Variants in RERE observed in about 807,000 individuals in gnomAD.
RERE encodes arginine-glutamic acid dipeptide repeats protein.
RERE carries 40 observed loss-of-function variants against 146.1 expected under a neutral mutation model. The observed-to-expected ratio is 0.27, with a 90% CI of 0.21 to 0.36. The LOEUF (loss-of-function observed/expected upper bound fraction) is 0.36. RERE is among the 10% of genes least tolerant of loss of function. The pLI is 1.00. For missense variants in RERE, 1,933 were observed against 2,138.7 expected (o/e 0.90, Z 1.90); for synonymous variants, 1,003 against 866.0 (o/e 1.16, Z -2.78).
At chr1:8,728,154 A>G (rs774259253) in intron 1 of RERE, among the ~76,000 whole-genome samples, 1 of 152,248 alleles carries the variant, frequency 6.6e-6, no homozygotes, top group Non-Finnish European at 1.5e-5. Context: ...ATGAGAAGCC[A>G]TGACAACCAA....
chr1:8,611,666 A>G (rs951896408), intron 4 of RERE, among the ~76,000 whole-genome samples: 10 of 152,244 alleles, frequency 6.6e-5, no homozygotes, highest in African/African-American at 2.4e-4. Context: ...TATCCTCACT[A>G]GTCCTTGATC....
intron 11 of RERE, among the ~76,000 whole-genome samples, chr1:8,441,129 C>T (rs1644242561): frequency 6.6e-6 from 1 of 151,962 alleles, no homozygotes; most frequent in Non-Finnish European, 1.5e-5. Context: ...GGTTTCCTGC[C>T]CCAAGCTCCT....
chr1:8,613,571 C>A (rs1315001735), intron 4 of RERE, among the ~76,000 whole-genome samples: 1 of 152,164 alleles, frequency 6.6e-6, no homozygotes, highest in Non-Finnish European at 1.5e-5. Flanking sequence ...TTTTCTACGA[C>A]CCAAGATATT....
In RERE at chr1:8,564,870, G is replaced by GTGTA. The variant is rs1269710840; in HGVS notation, c.523-7348_523-7347insTACA. Among the ~76,000 whole-genome samples, 339 of 127,378 alleles carry GTGTA rather than the reference G, an allele frequency of 2.7e-3. 1 individual carries two copies. The highest frequency in any genetic ancestry group is 7.8e-3 in the Middle Eastern group (2 of 256). 83.6% of individuals were successfully genotyped at this position (127,378 alleles called of 152,430 possible). On this transcript the variant is annotated intron_variant, in intron 4 of 22. Coordinates refer to ENST00000400908, the MANE Select transcript of RERE (RefSeq NM_001042681.2). Reference sequence around the variant, plus strand: ...TGTGTGTGTGTGTGTGTGTGTGTGTGTATATATATATATAAAACTACTATT... The same window carrying GTGTA: ...TGTGTGTGTGTGTGTGTGTGTGTGTGTGTATATATATATATATAAAACTACTATT...
At chr1:8,558,394 G>T (rs2124427103) in intron 4 of RERE, among the ~76,000 whole-genome samples, 1 of 152,282 alleles carries the variant, frequency 6.6e-6, no homozygotes, top group Admixed American at 6.5e-5. Flanking sequence ...AGTGCACTGA[G>T]GTTCCCTGCG....
intron 10 of RERE, among the ~76,000 whole-genome samples, chr1:8,479,404 G>C (rs1384607909): frequency 1.3e-5 from 2 of 151,822 alleles, no homozygotes. Context: ...ACCACCAGAA[G>C]ATATACACAT....
At chr1:8,778,240 G>A (rs573446849) in intron 1 of RERE, among the ~76,000 whole-genome samples, 3 of 152,296 alleles carry the variant, frequency 2.0e-5, no homozygotes, top group East Asian at 3.9e-4. Flanking sequence ...TCTTTCTGCT[G>A]TATTCAGCTC....
intron 4 of RERE, among the ~76,000 whole-genome samples, chr1:8,611,207 C>T (rs1646789317): frequency 6.8e-6 from 1 of 147,420 alleles, no homozygotes; most frequent in Non-Finnish European, 1.5e-5. Flanking sequence ...AAAACAACAA[C>T]AACAAAACAT....
chr1:8,543,028 T>C (rs1645817680), intron 6 of RERE, among the ~76,000 whole-genome samples: 2 of 152,232 alleles, frequency 1.3e-5, no homozygotes, highest in Admixed American at 6.5e-5. Flanking sequence ...TAAATCTAAA[T>C]AGCTACGTAT....
chr1:8,484,282 T>C (rs578020902), intron 10 of RERE, among the ~76,000 whole-genome samples: 1 of 152,210 alleles, frequency 6.6e-6, no homozygotes, highest in Non-Finnish European at 1.5e-5. Context: ...ATATGTCAGC[T>C]GCAAGTGTTC....
intron 1 of RERE, among the ~76,000 whole-genome samples, chr1:8,804,831 TGA>T (rs1414669058): frequency 6.6e-6 from 1 of 152,154 alleles, no homozygotes; most frequent in Non-Finnish European, 1.5e-5. Flanking sequence ...GGACTGTCTA[TGA>T]GATACATGAA....
At chr1:8,568,608 CT>C (rs1298722858) in intron 4 of RERE, among the ~76,000 whole-genome samples, 1 of 152,180 alleles carries the variant, frequency 6.6e-6, no homozygotes, top group Non-Finnish European at 1.5e-5. Flanking sequence ...TCCTGGATGC[CT>C]TCTACCACAT....
chr1:8,634,096 G>C (rs1647067115), intron 2 of RERE, among the ~76,000 whole-genome samples: 1 of 152,152 alleles, frequency 6.6e-6, no homozygotes, highest in African/African-American at 2.4e-5. Flanking sequence ...AGCAAAGTCT[G>C]CTCACCTGGC....
chr1:8,385,019 T>G (rs1570108460), intron 12 of RERE, among the ~76,000 whole-genome samples: 1 of 152,224 alleles, frequency 6.6e-6, no homozygotes, highest in Non-Finnish European at 1.5e-5. Context: ...AAAGCAGCTC[T>G]GCAGGGCGAT....
intron 8 of RERE, among the ~76,000 whole-genome samples, chr1:8,501,041 G>GTC (rs1645135853): frequency 7.2e-6 from 1 of 138,282 alleles, no homozygotes; most frequent in East Asian, 2.1e-4. Flanking sequence ...AGGGGGGGGG[G>GTC]GGGTCAGCCC....
intron 10 of RERE, among the ~76,000 whole-genome samples, chr1:8,485,248 C>T (rs917311672): frequency 1.3e-5 from 2 of 152,048 alleles, no homozygotes; most frequent in Admixed American, 1.3e-4. Flanking sequence ...GTAATCCTAG[C>T]TACTTGGGAG....
intron 6 of RERE, among the ~76,000 whole-genome samples, chr1:8,553,778 C>T (rs1159655398): frequency 6.6e-6 from 1 of 152,178 alleles, no homozygotes; most frequent in African/African-American, 2.4e-5. Flanking sequence ...CAGTGACTTA[C>T]ACATTTACAC....
intron 12 of RERE, among the ~76,000 whole-genome samples, chr1:8,394,141 A>G (rs1233309247): frequency 6.6e-6 from 1 of 152,230 alleles, no homozygotes; most frequent in East Asian, 1.9e-4. Context: ...ACATTCTATA[A>G]TCCCAACTTT....
At chr1:8,437,670 C>T (rs1557632007) in intron 11 of RERE, among the ~76,000 whole-genome samples, 1 of 152,182 alleles carries the variant, frequency 6.6e-6, no homozygotes, top group Non-Finnish European at 1.5e-5. Context: ...ATGAACACAG[C>T]TGTGTGTAAA....
Sources: allele counts gnomAD v4.1 joint callset (sites outside exome capture counted in the v4.1 genomes callset), GRCh38; gene constraint gnomAD v4.1.1; transcripts MANE v1.5; gene names NCBI Gene and HGNC (gene_info 2026-07-23, HGNC 2026-07-21).